PCM1: variants seen among roughly 807,000 people sequenced by gnomAD.
The protein encoded by PCM1 is pericentriolar material 1.
In PCM1, 157 loss-of-function variants were observed where a neutral mutation model predicts 241.9. The observed-to-expected ratio is 0.65, with a 90% confidence interval of 0.57 to 0.74. PCM1 has a LOEUF of 0.74. Ranked by LOEUF, PCM1 falls within the 30% of genes least tolerant of loss-of-function variation. The pLI is 0.00. For missense variants in PCM1, 3,478 were observed against 2,360.1 expected (o/e 1.47, Z -9.81); for synonymous variants, 1,085 against 784.9 (o/e 1.38, Z -6.39).
chr8:17,964,504 G>C (rs2074030207), intron 17 of PCM1, 64 bp from the exon 18 acceptor site: 2 of 1,193,876 alleles, frequency 1.7e-6, no homozygotes, highest in Non-Finnish European at 2.4e-6. Context: ...CTGGCACATA[G>C]TAGGTGGCAG....
chr8:17,949,433 G>A (rs1487647204), intron 7 of PCM1, among the ~76,000 whole-genome samples: 1 of 151,222 alleles, frequency 6.6e-6, no homozygotes, highest in Non-Finnish European at 1.5e-5. Flanking sequence ...TCAGTTCTCA[G>A]TGGAAAAAAG....
chr8:17,995,964 A>G (rs941695483), intron 29 of PCM1, among the ~76,000 whole-genome samples: 1 of 152,148 alleles, frequency 6.6e-6, no homozygotes, highest in Non-Finnish European at 1.5e-5. Flanking sequence ...ATAAGATTAT[A>G]TATATATCAT....
rs1472905193 is a variant in PCM1 at position 17,938,899 on chromosome 8, T to A, written c.502T>A (p.Ser168Thr). Reference protein sequence around the residue: ...TNPPNRETIGSAQCKELFASA... With the variant: ...TNPPNRETIGTAQCKELFASA... ...CCCCCCAAACAGAGAAACGATTGGATCAGCACAGTGTAAAGAGTTGTTTGC... is the reference window on the plus strand; with the variant it reads ...CCCCCCAAACAGAGAAACGATTGGAACAGCACAGTGTAAAGAGTTGTTTGC... Residue 168 changes from serine to threonine, a missense_variant, in exon 5 of 39, where the codon TCA becomes ACA. By Grantham distance (58) the Ser-to-Thr change is moderately conservative. Coordinates refer to ENST00000325083, the MANE Select transcript of PCM1 (RefSeq NM_006197.4). 6.2e-7 allele frequency: 1 copy of A among 1,613,614 alleles called. No homozygotes were observed. The highest frequency in any genetic ancestry group is 8.5e-7 in the Non-Finnish European group (1 of 1,179,660).
At chr8:17,923,505 A>G (rs1411389890) in intron 1 of PCM1, among the ~76,000 whole-genome samples, 2 of 152,082 alleles carry the variant, frequency 1.3e-5, no homozygotes, top group Non-Finnish European at 1.5e-5. Flanking sequence ...GGCTCCGGCT[A>G]TACCCCTTGC....
intron 9 of PCM1, among the ~76,000 whole-genome samples, chr8:17,954,885 A>G (rs528920738): frequency 6.6e-6 from 1 of 152,270 alleles, no homozygotes; most frequent in African/African-American, 2.4e-5. Context: ...GCTGTTTAAT[A>G]TTTCATGGTT....
At chr8:17,930,345 C>G (rs879674295) in intron 2 of PCM1, among the ~76,000 whole-genome samples, 1 of 151,620 alleles carries the variant, frequency 6.6e-6, no homozygotes, top group Non-Finnish European at 1.5e-5. Context: ...CCTCGTGATC[C>G]GCCTGCCTTG....
chr8:18,009,979 A>G (rs1304747662), intron 31 of PCM1, among the ~76,000 whole-genome samples: 4 of 152,222 alleles, frequency 2.6e-5, no homozygotes, highest in Non-Finnish European at 5.9e-5. Context: ...ACATTGTCAG[A>G]TAACCAGTTC....
chr8:18,025,560 A>G lies in PCM1; in HGVS notation c.5951A>G (p.Lys1984Arg). 1 of 1,581,018 alleles carries G rather than the reference A, an allele frequency of 6.3e-7. No individual in the cohort carries two copies. Among genetic ancestry groups the G allele is most frequent in the Non-Finnish European group, 8.6e-7 (1 of 1,162,218 alleles). Reference sequence around the variant, plus strand: ...ATTCCAAAGGCAGATCTAAGAAAGAAAATGGTAGAAGAAGAACAGAAAAAC... The same window carrying G: ...ATTCCAAAGGCAGATCTAAGAAAGAGAATGGTAGAAGAAGAACAGAAAAAC... Reference protein sequence around the residue: ...TIYSEADLRKKMVEEEQKNHL... With the variant: ...TIYSEADLRKRMVEEEQKNHL... Residue 1984 changes from lysine (K) to arginine (R), a missense_variant, in exon 38 of 39, where the codon AAA becomes AGA. Lys to Arg is a conservative substitution (Grantham distance 26). Coordinates refer to ENST00000325083, the MANE Select transcript of PCM1 (RefSeq NM_006197.4).
chr8:17,966,686 T>C (rs1038700328), intron 20 of PCM1, among the ~76,000 whole-genome samples: 3 of 152,238 alleles, frequency 2.0e-5, no homozygotes, highest in South Asian at 2.1e-4. Context: ...ATTTTACTTA[T>C]ATTTTGGCAG....
chr8:17,939,861 T>G lies in PCM1; in HGVS notation c.783T>G (p.Leu261=). ...ATATGAAATTTCTTAAAAAAATCCT[T>G]GTAAGTATTCGACTTTTAAAATAAC... is the stretch of plus-strand genomic sequence containing the variant. ...KSYMKFLKKI[L]ARDPQQEPME... Residue 261 remains leucine (L), a splice_region_variant and synonymous_variant, in exon 6 of 39, where the codon CTT becomes CTG. Transcript: ENST00000325083. The G allele has an allele frequency of 6.9e-7, 1 of 1,449,630 alleles. No homozygotes were observed. Among genetic ancestry groups the G allele is most frequent in the Non-Finnish European group, 9.4e-7 (1 of 1,065,082 alleles). The allele number at this position is 1,449,630 out of a possible 1,614,324, so 89.8% of individuals were successfully genotyped here. A position where few individuals can be genotyped will look rare whatever the true frequency, so the allele number is the denominator to read the frequency against.
intron 36 of PCM1, 30 bp downstream of exon 36, chr8:18,014,870 T>TCCAAA: frequency 1.3e-6 from 2 of 1,523,566 alleles, no homozygotes; most frequent in Non-Finnish European, 1.8e-6. Flanking sequence ...CCAAATATTT[T>TCCAAA]TACTTTTCAT....
In PCM1 at chr8:18,029,612, C is replaced by CCT. The variant is rs1588943281; in HGVS notation, c.*1950_*1951insCT. The CCT allele has an allele frequency of 4.9e-6, 1 of 204,170 alleles. No individual in the cohort carries two copies. Among genetic ancestry groups the CCT allele is most frequent in the East Asian group, 7.5e-5 (1 of 13,382 alleles). The allele number at this position is 204,170 out of a possible 1,614,324, so 12.6% of individuals were successfully genotyped here. On this transcript the variant is annotated 3_prime_UTR_variant, in exon 39 of 39. Coordinates refer to ENST00000325083, the MANE Select transcript of PCM1 (RefSeq NM_006197.4). ...GACTGGTGTTACAGCTGCTATTAATCTAAGTCTATTGTTTTTCTATTTTAG... is the reference window on the plus strand; with the variant it reads ...GACTGGTGTTACAGCTGCTATTAATCCTTAAGTCTATTGTTTTTCTATTTTAG...
At chr8:18,014,989 A>G in intron 36 of PCM1, 149 bp downstream of exon 36, 1 of 683,182 alleles carries the variant, frequency 1.5e-6, no homozygotes, top group East Asian at 2.7e-5. Context: ...CTTTAACTTT[A>G]GCAGAAGGGT....
Position 17,960,349 on chromosome 8 carries a change from C to A in PCM1, c.2227C>A (p.Gln743Lys). Residue 743 changes from glutamine (Q) to lysine (K), a missense_variant, in exon 15 of 39, where the codon CAG becomes AAG. Coordinates refer to ENST00000325083, the MANE Select transcript of PCM1 (RefSeq NM_006197.4). ...KFYEAKLQQQ[Q>K]RELKQLQEER... ...TTATGAGGCTAAACTACAGCAGCAA[C>A]AGAGAGAGCTAAAACAATTGCAGGA... 6.3e-7 allele frequency: 1 copy of A among 1,597,524 alleles called. No individual in the cohort carries two copies. The highest frequency in any genetic ancestry group is 8.5e-7 in the Non-Finnish European group (1 of 1,175,298).
chr8:17,998,721 T>A (rs2087952154), intron 29 of PCM1, among the ~76,000 whole-genome samples: 2 of 152,302 alleles, frequency 1.3e-5, no homozygotes, highest in African/African-American at 2.4e-5. Flanking sequence ...GTTCCTACTA[T>A]TAGCAGGTGG....
intron 20 of PCM1, 59 bp downstream of exon 20, chr8:17,966,532 T>G: frequency 1.6e-5 from 23 of 1,479,668 alleles, no homozygotes; most frequent in Non-Finnish European, 1.9e-5. Context: ...GCAGAGGTTT[T>G]ACAGTTAGCT....
chr8:17,989,331 C>G (rs2083687753), intron 26 of PCM1, among the ~76,000 whole-genome samples: 1 of 151,868 alleles, frequency 6.6e-6, no homozygotes, highest in South Asian at 2.1e-4. Flanking sequence ...TGGAAATGGT[C>G]TTTATCTTTA....
In PCM1 at chr8:17,980,653, G is replaced by A; in HGVS notation, c.4006G>A (p.Ala1336Thr). The A allele has an allele frequency of 6.2e-7, 1 of 1,613,368 alleles. No individual in the cohort carries two copies. Among genetic ancestry groups the A allele is most frequent in the Admixed American group, 1.7e-5 (1 of 60,008 alleles). Reference protein sequence around the residue: ...EPCKSRNRHSAQTEEPVQAKV... With the variant: ...EPCKSRNRHSTQTEEPVQAKV... ...TTGCAAAAGTAGGAACAGACATTCA[G>A]CCCAGACTGAAGAGCCTGTTCAAGC... Residue 1336 changes from alanine to threonine, a missense_variant, in exon 24 of 39, where the codon GCC becomes ACC. Ala to Thr is a moderately conservative substitution (Grantham distance 58). Transcript: ENST00000325083.
intron 29 of PCM1, among the ~76,000 whole-genome samples, chr8:18,004,493 T>A (rs17126089): frequency 0.02 from 3,102 of 152,282 alleles, 102 homozygotes; most frequent in African/African-American, 0.071. Flanking sequence ...TAGCCCTGAT[T>A]TAAGTGATTT....
Sources: allele counts gnomAD v4.1 joint callset (sites outside exome capture counted in the v4.1 genomes callset), GRCh38; gene constraint gnomAD v4.1.1; transcripts MANE v1.5; gene names NCBI Gene and HGNC (gene_info 2026-07-23, HGNC 2026-07-21).